The following ERCC6L2 variants were observed in gnomAD, a reference collection of about 807,000 sequenced individuals.
The protein encoded by ERCC6L2 is ERCC excision repair 6 like 2.
ERCC6L2 carries 77 observed loss-of-function variants against 132.0 expected under a neutral mutation model. That is an observed-to-expected ratio of 0.58 (90% CI 0.49 to 0.71). The LOEUF (loss-of-function observed/expected upper bound fraction) is 0.71, where lower values mean the gene tolerates loss of function less well. Ranked by LOEUF, ERCC6L2 falls within the 30% of genes least tolerant of loss-of-function variation. The pLI is 0.00. For synonymous variants in ERCC6L2, 583 were observed against 632.4 expected (o/e 0.92, Z 1.17); for missense variants, 1,542 against 1,837.6 (o/e 0.84, Z 2.94).
intron 11 of ERCC6L2, among the ~76,000 whole-genome samples, chr9:95,930,755 C>T (rs1403377794): frequency 6.6e-6 from 1 of 152,034 alleles, no homozygotes; most frequent in African/African-American, 2.4e-5. Context: ...GGTTTGCCGC[C>T]ATGTTTTACT....
intron 17 of ERCC6L2, among the ~76,000 whole-genome samples, chr9:95,995,855 G>A (rs191380798): frequency 1.4e-4 from 22 of 152,246 alleles, no homozygotes; most frequent in South Asian, 2.1e-4. Flanking sequence ...TGTGTGTTCC[G>A]ACTGCTCTAC....
At chr9:95,936,653 A>G (rs1162140230) in intron 11 of ERCC6L2, among the ~76,000 whole-genome samples, 7 of 152,172 alleles carry the variant, frequency 4.6e-5, no homozygotes, top group African/African-American at 1.7e-4. Context: ...CCCCAATGTA[A>G]TATCTTGTAA....
chr9:95,907,615 A>G (rs1829111526), intron 4 of ERCC6L2, among the ~76,000 whole-genome samples: 1 of 152,102 alleles, frequency 6.6e-6, no homozygotes, highest in South Asian at 2.1e-4. Context: ...TGAGAAGGAA[A>G]AACCTGCATC....
intron 2 of ERCC6L2, among the ~76,000 whole-genome samples, chr9:95,882,940 C>T (rs554704760): frequency 1.3e-5 from 2 of 152,324 alleles, no homozygotes; most frequent in African/African-American, 2.4e-5. Flanking sequence ...AGAAAGGAGC[C>T]TTCAAGAAAT....
chr9:95,923,446 G>C, intron 9 of ERCC6L2, 67 bp downstream of exon 9: 1 of 1,566,508 alleles, frequency 6.4e-7, no homozygotes, highest in Non-Finnish European at 8.7e-7. Context: ...TGGTATGACA[G>C]AGACACCAAC....
chr9:96,001,658 C>T (rs1315806263), intron 17 of ERCC6L2, among the ~76,000 whole-genome samples: 1 of 152,258 alleles, frequency 6.6e-6, no homozygotes, highest in East Asian at 1.9e-4. Flanking sequence ...TGGCTTCACC[C>T]AGTGGATCCC....
At chr9:95,997,956 AGT>A (rs1175382969) in intron 17 of ERCC6L2, among the ~76,000 whole-genome samples, 2 of 152,230 alleles carry the variant, frequency 1.3e-5, no homozygotes, top group Non-Finnish European at 2.9e-5. Context: ...TTACTATTTT[AGT>A]GAAACCAACT....
intron 19 of ERCC6L2, among the ~76,000 whole-genome samples, chr9:96,037,758 G>A (rs1376624702): frequency 6.6e-6 from 1 of 152,180 alleles, no homozygotes; most frequent in Admixed American, 6.5e-5. Context: ...ATCCCACAGA[G>A]AGATCAACAA....
At chr9:96,034,095 AGGCT>A (rs970959188) in intron 19 of ERCC6L2, among the ~76,000 whole-genome samples, 8 of 152,254 alleles carry the variant, frequency 5.3e-5, no homozygotes, top group Non-Finnish European at 5.9e-5. Context: ...CCATTCTCCC[AGGCT>A]GAAAGAAAGG....
intron 17 of ERCC6L2, among the ~76,000 whole-genome samples, chr9:96,001,074 C>T (rs1469338741): frequency 1.3e-5 from 2 of 151,568 alleles, no homozygotes; most frequent in Admixed American, 6.6e-5. Context: ...CTTAAGGCAG[C>T]GCGTCTGGAG....
At chr9:95,976,402 C>T (rs1461995397) in intron 16 of ERCC6L2, among the ~76,000 whole-genome samples, 1 of 152,130 alleles carries the variant, frequency 6.6e-6, no homozygotes, top group East Asian at 1.9e-4. Context: ...TACTGTGTCC[C>T]CTCTGCACCC....
chr9:95,977,412 G>A (rs144243325), intron 16 of ERCC6L2, among the ~76,000 whole-genome samples: 1 of 152,110 alleles, frequency 6.6e-6, no homozygotes, highest in African/African-American at 2.4e-5. Flanking sequence ...ACAGGCCTTG[G>A]TTCTAGCTTT....
intron 4 of ERCC6L2, among the ~76,000 whole-genome samples, chr9:95,915,247 C>T (rs1166101458): frequency 6.6e-6 from 1 of 152,116 alleles, no homozygotes; most frequent in Non-Finnish European, 1.5e-5. Flanking sequence ...CAACTCTAAA[C>T]TTTCTTAGTG....
rs554153269 is a variant in ERCC6L2, at chr9:95,943,788, C to T, written c.1847+2239C>T. On this transcript the variant is annotated intron_variant, in intron 12 of 18. Coordinates refer to ENST00000653738, the MANE Select transcript of ERCC6L2 (RefSeq NM_020207.7). The stretch of plus-strand genomic sequence containing the variant: ...CACTAATCATTAGGGAAATGCATAT[C>T]GGAACTATAGTGAGGTACAACTTCA... Among the ~76,000 whole-genome samples the T allele has an allele frequency of 6.6e-5, 10 of 152,172 alleles. No individual in the cohort carries two copies. The East Asian group carries it at 1.2e-3, about 18-fold the overall frequency.
chr9:95,877,344 T>C (rs1448219262), intron 1 of ERCC6L2, among the ~76,000 whole-genome samples: 2 of 152,102 alleles, frequency 1.3e-5, no homozygotes, highest in African/African-American at 4.8e-5. Context: ...TAAGGCTTTT[T>C]TTTTTTTGCA....
intron 1 of ERCC6L2, among the ~76,000 whole-genome samples, chr9:95,878,929 C>T (rs1416120381): frequency 6.6e-6 from 1 of 151,984 alleles, no homozygotes; most frequent in Non-Finnish European, 1.5e-5. Context: ...GGGTTGGTTC[C>T]AAGTCTGCTA....
intron 3 of ERCC6L2, among the ~76,000 whole-genome samples, chr9:95,898,372 C>T (rs1256903336): frequency 2.0e-5 from 3 of 151,986 alleles, no homozygotes; most frequent in African/African-American, 4.8e-5. Flanking sequence ...AACAAAAGTG[C>T]GTCATTGACT....
chr9:95,973,220 G>C (rs761839238), intron 16 of ERCC6L2, 132 bp downstream of exon 16: 8 of 533,400 alleles, frequency 1.5e-5, no homozygotes, highest in Non-Finnish European at 2.4e-5. Context: ...AATAAGGAAC[G>C]GTTGGGTAGC....
At chr9:96,030,152 T>C (rs918592197) in intron 19 of ERCC6L2, among the ~76,000 whole-genome samples, 1 of 152,154 alleles carries the variant, frequency 6.6e-6, no homozygotes, top group Non-Finnish European at 1.5e-5. Context: ...CGTGGCTAGC[T>C]AGAGGTTTGT....
Sources: allele counts gnomAD v4.1 joint callset (sites outside exome capture counted in the v4.1 genomes callset), GRCh38; gene constraint gnomAD v4.1.1; transcripts MANE v1.5; gene names NCBI Gene and HGNC (gene_info 2026-07-23, HGNC 2026-07-21).